The following SPON1 variants were observed in gnomAD, a reference collection of about 807,000 sequenced individuals.
SPON1 encodes the protein spondin-1.
SPON1 carries 52 observed loss-of-function variants against 111.7 expected under a neutral mutation model. The ratio of observed to expected loss-of-function variants is 0.47; its 90% CI spans 0.37 to 0.59. The LOEUF is 0.59. Among genes scored for constraint, SPON1 ranks in the 20% least tolerant of loss-of-function variants. The pLI, the probability that SPON1 is intolerant of heterozygous loss-of-function variation, is 0.00. For missense variants in SPON1, 957 were observed against 1,068.5 expected, an observed-to-expected ratio of 0.90 and a Z score of 1.46; for synonymous variants, 410 against 395.8, an observed-to-expected ratio of 1.04 and a Z score of -0.43.
intron 6 of SPON1, among the ~76,000 whole-genome samples, chr11:14,175,863 A>C (rs1848169125): frequency 6.6e-6 from 1 of 152,210 alleles, no homozygotes; most frequent in African/African-American, 2.4e-5. Context: ...CAAGGTTCTT[A>C]ATTTGCAAGA....
At chr11:14,046,137 G>A (rs542273347) in intron 3 of SPON1, among the ~76,000 whole-genome samples, 14 of 152,164 alleles carry the variant, frequency 9.2e-5, no homozygotes, top group Non-Finnish European at 1.8e-4. Flanking sequence ...GTGAAGGAGG[G>A]CTATACAAGG....
chr11:14,147,944 A>G (rs1348898197), intron 6 of SPON1, among the ~76,000 whole-genome samples: 1 of 152,196 alleles, frequency 6.6e-6, no homozygotes. Context: ...ACAATCATAG[A>G]AATACAAATT....
intron 6 of SPON1, among the ~76,000 whole-genome samples, chr11:14,233,713 G>C (rs574645239): frequency 5.0e-4 from 76 of 152,002 alleles, no homozygotes; most frequent in Middle Eastern, 3.4e-3. Flanking sequence ...GATGGCAGTG[G>C]GGATGGGAAT....
intron 2 of SPON1, among the ~76,000 whole-genome samples, chr11:14,016,408 G>A (rs1166826861): frequency 1.3e-5 from 2 of 152,196 alleles, no homozygotes; most frequent in Non-Finnish European, 2.9e-5. Context: ...TGCTTTCTAT[G>A]GGTCAGCAAG....
intron 3 of SPON1, among the ~76,000 whole-genome samples, chr11:14,049,365 A>G (rs1413254682): frequency 6.6e-6 from 1 of 152,052 alleles, no homozygotes; most frequent in Non-Finnish European, 1.5e-5. Flanking sequence ...CTAGTTCCTT[A>G]CCCTCTGGTC....
chr11:14,238,896 C>A (rs1416196428), intron 6 of SPON1, among the ~76,000 whole-genome samples: 1 of 152,186 alleles, frequency 6.6e-6, no homozygotes, highest in Non-Finnish European at 1.5e-5. Context: ...ACGATGGATG[C>A]CCTGAGACAC....
chr11:13,974,258 C>T (rs531168448), intron 1 of SPON1, among the ~76,000 whole-genome samples: 27 of 152,250 alleles, frequency 1.8e-4, no homozygotes, highest in South Asian at 1.0e-3. Context: ...GAAGCTGACG[C>T]GCATTGTGGT....
chr11:14,250,243 T>C (rs1236284672), intron 7 of SPON1, among the ~76,000 whole-genome samples: 1 of 152,170 alleles, frequency 6.6e-6, no homozygotes, highest in Non-Finnish European at 1.5e-5. Flanking sequence ...GATAGATAAT[T>C]CAATTCTTTT....
chr11:14,114,895 A>G (rs1849255352), intron 5 of SPON1, among the ~76,000 whole-genome samples: 2 of 152,142 alleles, frequency 1.3e-5, no homozygotes, highest in East Asian at 1.9e-4. Flanking sequence ...CGTGACAGTG[A>G]ATTTTTGTTA....
chr11:14,038,616 C>T (rs1320924668), intron 2 of SPON1, among the ~76,000 whole-genome samples: 2 of 152,166 alleles, frequency 1.3e-5, no homozygotes, highest in African/African-American at 2.4e-5. Context: ...CAACATCATA[C>T]GTCATTAGGG....
intron 6 of SPON1, among the ~76,000 whole-genome samples, chr11:14,172,949 G>T (rs1848124859): frequency 6.6e-6 from 1 of 151,722 alleles, no homozygotes; most frequent in South Asian, 2.1e-4. Flanking sequence ...TTCAACTTTG[G>T]TGAATCTGAC....
chr11:14,101,087 G>C (rs984990881), intron 5 of SPON1, among the ~76,000 whole-genome samples: 1 of 152,128 alleles, frequency 6.6e-6, no homozygotes, highest in Non-Finnish European at 1.5e-5. Context: ...GTGACTTGAT[G>C]TCGTTTTTTT....
chr11:14,220,466 C>T (rs1263845429), intron 6 of SPON1, among the ~76,000 whole-genome samples: 1 of 152,144 alleles, frequency 6.6e-6, no homozygotes, highest in Admixed American at 6.5e-5. Context: ...CATTGTTAGG[C>T]TGTTTTGGGC....
At chr11:14,147,017 CTTTTTTTT>C (rs34930543) in intron 6 of SPON1, among the ~76,000 whole-genome samples, 4 of 65,046 alleles carry the variant, frequency 6.1e-5, no homozygotes, top group Admixed American at 2.3e-4. Flanking sequence ...ATGAAAGAAC[CTTTTTTTT>C]TTTTTTTTTT....
rs563976689 is a variant in SPON1 at position 14,241,496 on chromosome 11, C to T, written c.826-1836C>T. Among the ~76,000 whole-genome samples the T allele has an allele frequency of 3.9e-5, 6 of 152,206 alleles. No homozygotes were observed. In the South Asian group the frequency reaches 1.2e-3, roughly 32 times the overall value. Reference sequence around the variant, plus strand: ...TGTGGAAGGAGGTGAACACAGGAATCCTCAGCCTGACTGGTGTCGGGGGTG... The same window carrying T: ...TGTGGAAGGAGGTGAACACAGGAATTCTCAGCCTGACTGGTGTCGGGGGTG... On this transcript the variant is annotated intron_variant, in intron 6 of 15. Transcript: ENST00000576479.
At chr11:14,137,656 G>A (rs758637623) in intron 6 of SPON1, among the ~76,000 whole-genome samples, 17 of 152,166 alleles carry the variant, frequency 1.1e-4, no homozygotes, top group Non-Finnish European at 2.4e-4. Flanking sequence ...AATCTGCTCC[G>A]TGTAAACCTG....
At chr11:14,014,384 T>C (rs537066898) in intron 2 of SPON1, among the ~76,000 whole-genome samples, 92 of 152,344 alleles carry the variant, frequency 6.0e-4, no homozygotes, top group African/African-American at 2.0e-3. Context: ...CATCTTACAA[T>C]TGATATGTAC....
chr11:14,161,205 A>G (rs1427977582), intron 6 of SPON1, among the ~76,000 whole-genome samples: 1 of 129,206 alleles, frequency 7.7e-6, no homozygotes, highest in African/African-American at 3.1e-5. Context: ...ATATATTTAT[A>G]TATTTATATA....
chr11:14,208,573 T>A (rs1848540411), intron 6 of SPON1, among the ~76,000 whole-genome samples: 1 of 152,226 alleles, frequency 6.6e-6, no homozygotes. Flanking sequence ...AGTTCATTAC[T>A]AATAGCTCCC....
Sources: gnomAD v4.1 joint callset for allele counts (sites outside exome capture counted in the v4.1 genomes callset) on GRCh38, gnomAD v4.1.1 for gene constraint, MANE v1.5 for transcripts, NCBI Gene and HGNC (gene_info 2026-07-23, HGNC 2026-07-21) for gene names.